RIMS2: variants seen among roughly 807,000 people sequenced by gnomAD.
RIMS2 encodes regulating synaptic membrane exocytosis 2, also known as regulating synaptic membrane exocytosis protein 2.
In RIMS2, 59 loss-of-function variants were observed where a neutral mutation model predicts 174.4. The observed-to-expected ratio is 0.34, with a 90% CI of 0.27 to 0.42. RIMS2 has a LOEUF of 0.42. Ranked by LOEUF, RIMS2 falls within the 10% of genes least tolerant of loss-of-function variation. The pLI, the probability that RIMS2 is intolerant of heterozygous loss-of-function variation, is 1.00. For synonymous variants in RIMS2, 606 were observed against 572.5 expected, an observed-to-expected ratio of 1.06 and a Z score of -0.84; for missense variants, 1,620 against 1,666.3, an observed-to-expected ratio of 0.97 and a Z score of 0.48.
chr8:103,578,644 C>T (rs189178506), intron 1 of RIMS2, among the ~76,000 whole-genome samples: 1 of 152,118 alleles, frequency 6.6e-6, no homozygotes, highest in Non-Finnish European at 1.5e-5. Flanking sequence ...ATCATACATT[C>T]CAGGAGGGGA....
chr8:103,904,691 A>G (rs969884605), intron 4 of RIMS2, among the ~76,000 whole-genome samples: 1 of 152,012 alleles, frequency 6.6e-6, no homozygotes, highest in Admixed American at 6.5e-5. Flanking sequence ...TCTCTTTGCT[A>G]ATATTTTGTT....
intron 3 of RIMS2, among the ~76,000 whole-genome samples, chr8:103,866,516 T>C (rs899910743): frequency 1.3e-5 from 2 of 152,106 alleles, no homozygotes; most frequent in Non-Finnish European, 2.9e-5. Context: ...GGTAACTTAT[T>C]TTGGTACTTC....
At chr8:104,245,309 C>A (rs1024565016) in intron 20 of RIMS2, among the ~76,000 whole-genome samples, 2 of 152,138 alleles carry the variant, frequency 1.3e-5, no homozygotes, top group African/African-American at 2.4e-5. Context: ...GTGACTCTTA[C>A]AATGCAATGC....
chr8:103,749,051 G>A (rs532097572), intron 2 of RIMS2, among the ~76,000 whole-genome samples: 2 of 151,664 alleles, frequency 1.3e-5, no homozygotes, highest in Middle Eastern at 3.2e-3. Flanking sequence ...CGCCCACCTC[G>A]GCCTCCCAAA....
At chr8:103,910,590 C>A in intron 5 of RIMS2, 61 bp downstream of exon 8, 2 of 958,720 alleles carry the variant, frequency 2.1e-6, no homozygotes, top group Non-Finnish European at 3.2e-6. Flanking sequence ...TGCTCTCTGT[C>A]ACTCATTAAA....
At chr8:103,633,192 A>ATTTTT (rs150376641) in intron 1 of RIMS2, among the ~76,000 whole-genome samples, 1 of 134,928 alleles carries the variant, frequency 7.4e-6, no homozygotes. Context: ...ACGCCCGGCT[A>ATTTTT]TTTTTTTTTT....
At chr8:104,189,180 T>C (rs898120339) in intron 19 of RIMS2, among the ~76,000 whole-genome samples, 3 of 152,038 alleles carry the variant, frequency 2.0e-5, no homozygotes, top group African/African-American at 7.2e-5. Flanking sequence ...TGGATATTTC[T>C]ATGGGAATCA....
chr8:103,670,431 T>G (rs1022886662), intron 1 of RIMS2, among the ~76,000 whole-genome samples: 9 of 152,376 alleles, frequency 5.9e-5, no homozygotes, highest in Non-Finnish European at 1.3e-4. Context: ...GCATCTGGCT[T>G]GAATTTCTTC....
chr8:103,696,885 A>AAAAAAAAAAAAC (rs1554753422), intron 1 of RIMS2, among the ~76,000 whole-genome samples: 1 of 136,836 alleles, frequency 7.3e-6, no homozygotes, highest in African/African-American at 2.8e-5. Flanking sequence ...AAAAAAAAAA[A>AAAAAAAAAAAAC]GAAGGTAGAA....
chr8:103,986,331 G>A (rs193073105), intron 16 of RIMS2, among the ~76,000 whole-genome samples: 1 of 151,954 alleles, frequency 6.6e-6, no homozygotes, highest in Admixed American at 6.5e-5. Context: ...TAAAGATTAG[G>A]GAAAAATCAG....
At chr8:103,821,070 T>C (rs2098748940) in intron 3 of RIMS2, among the ~76,000 whole-genome samples, 1 of 151,576 alleles carries the variant, frequency 6.6e-6, no homozygotes, top group African/African-American at 2.4e-5. Flanking sequence ...TGTGTAAATG[T>C]ATTAATATTA....
In RIMS2 at chr8:103,706,868, T is replaced by C. The variant is rs181723380; in HGVS notation, c.387+9572T>C. ...AAAGTTCTCTTATTATTTCTTTAAATACATTTTTTACCCAATCTCTTTGTC... is the reference window on the plus strand; with the variant it reads ...AAAGTTCTCTTATTATTTCTTTAAACACATTTTTTACCCAATCTCTTTGTC... On this transcript the variant is annotated intron_variant, in intron 2 of 23. Coordinates refer to ENST00000504942, the Ensembl canonical transcript of RIMS2. Among the ~76,000 whole-genome samples, 221 of 152,286 alleles carry C rather than the reference T, an allele frequency of 1.5e-3. 2 individuals carry two copies. Among genetic ancestry groups the C allele is most frequent in the African/African-American group, 4.8e-3 (201 of 41,570 alleles).
At chr8:104,155,183 T>A (rs898576550) in intron 19 of RIMS2, among the ~76,000 whole-genome samples, 1 of 152,072 alleles carries the variant, frequency 6.6e-6, no homozygotes, top group African/African-American at 2.4e-5. Flanking sequence ...CTCACCTCAC[T>A]GCAAGCTCCT....
intron 2 of RIMS2, among the ~76,000 whole-genome samples, chr8:103,722,229 C>T (rs1308403949): frequency 1.3e-5 from 2 of 152,016 alleles, no homozygotes; most frequent in African/African-American, 4.8e-5. Context: ...AAAAAATTAG[C>T]CTAGCATGGT....
intron 3 of RIMS2, among the ~76,000 whole-genome samples, chr8:103,834,478 A>G (rs1209288869): frequency 6.6e-6 from 1 of 151,434 alleles, no homozygotes; most frequent in Non-Finnish European, 1.5e-5. Flanking sequence ...CTGGGATTGT[A>G]GGGGGCATGC....
At chr8:104,056,546 A>G (rs1292552187) in intron 19 of RIMS2, among the ~76,000 whole-genome samples, 1 of 152,170 alleles carries the variant, frequency 6.6e-6, no homozygotes, top group African/African-American at 2.4e-5. Context: ...ACTAAAACCC[A>G]AGTCTTATCT....
At chr8:104,077,956 A>T (rs1386920355) in intron 19 of RIMS2, among the ~76,000 whole-genome samples, 1 of 151,886 alleles carries the variant, frequency 6.6e-6, no homozygotes, top group Non-Finnish European at 1.5e-5. Flanking sequence ...CAGCCTGGCC[A>T]ACATGGTGAA....
chr8:103,591,628 C>T (rs1448828502), intron 1 of RIMS2, among the ~76,000 whole-genome samples: 1 of 150,864 alleles, frequency 6.6e-6, no homozygotes, highest in African/African-American at 2.4e-5. Flanking sequence ...AAATTTTTTC[C>T]ATATGGATAT....
intron 3 of RIMS2, among the ~76,000 whole-genome samples, chr8:103,884,336 C>T (rs977317938): frequency 6.6e-6 from 1 of 151,868 alleles, no homozygotes; most frequent in Admixed American, 6.6e-5. Flanking sequence ...GCAAAATCCC[C>T]ATAATAGTTT....
Sources: gnomAD v4.1 joint callset for allele counts (sites outside exome capture counted in the v4.1 genomes callset) on GRCh38, gnomAD v4.1.1 for gene constraint, MANE v1.5 for transcripts, NCBI Gene and HGNC (gene_info 2026-07-23, HGNC 2026-07-21) for gene names.